Variants in GALNT9 observed in about 807,000 individuals in gnomAD.
GALNT9 encodes GalNAc transferase 9.
Under a neutral mutation model 63.1 loss-of-function variants are expected in GALNT9, and 47 were observed. That is an observed-to-expected ratio of 0.75 (90% CI 0.59 to 0.95). GALNT9 has a LOEUF of 0.95. Among genes scored for constraint, GALNT9 ranks in the 40% least tolerant of loss-of-function variants. GALNT9 has a pLI of 0.00. For synonymous variants in GALNT9, 396 were observed against 365.7 expected, an observed-to-expected ratio of 1.08 and a Z score of -0.94; for missense variants, 829 against 874.8, an observed-to-expected ratio of 0.95 and a Z score of 0.66.
intron 3 of GALNT9, among the ~76,000 whole-genome samples, chr12:132,261,738 G>A (rs1313224913): frequency 6.6e-6 from 1 of 152,248 alleles, no homozygotes; most frequent in Non-Finnish European, 1.5e-5. Context: ...GGCTCCCCAT[G>A]TTTTCCTCCA....
chr12:132,209,151 C>A (rs1439245225), intron 6 of GALNT9, among the ~76,000 whole-genome samples: 3 of 152,136 alleles, frequency 2.0e-5, no homozygotes, highest in African/African-American at 4.8e-5. Flanking sequence ...GCTGCATTCC[C>A]AGATGGTGAA....
intron 6 of GALNT9, among the ~76,000 whole-genome samples, chr12:132,211,938 G>A (rs968907241): frequency 1.1e-3 from 161 of 152,240 alleles, no homozygotes; most frequent in Non-Finnish European, 1.0e-3. Flanking sequence ...GGAGGTGAAG[G>A]TCCCATTATT....
rs558789957 is a variant in GALNT9, at chr12:132,286,822, T to A, written c.239-392A>T. ...TGGACCTCCCAGGCTCAAGCAATCCTCCCACCTCAGCCTCCTGAGTAAATG... is the reference window on the plus strand; with the variant it reads ...TGGACCTCCCAGGCTCAAGCAATCCACCCACCTCAGCCTCCTGAGTAAATG... On this transcript the variant is annotated intron_variant, in intron 1 of 10. Transcript: ENST00000328957. The surrounding 1 kb of genome is among the most constrained non-coding windows in gnomAD (Gnocchi z 7.4). 2.0e-5 allele frequency among the ~76,000 whole-genome samples: 3 copies of A among 152,188 alleles called. No individual in the cohort carries two copies. The highest frequency in any genetic ancestry group is 7.2e-5 in the African/African-American group (3 of 41,540).
At chr12:132,247,756 C>T in intron 6 of GALNT9, 154 bp downstream of exon 6, 1 of 1,282,806 alleles carries the variant, frequency 7.8e-7, no homozygotes, top group Non-Finnish European at 1.1e-6. Context: ...GATGCCGTGG[C>T]CGCACTCGCC....
intron 1 of GALNT9, among the ~76,000 whole-genome samples, chr12:132,302,229 T>TACAC (rs56317485): frequency 0.23 from 33,502 of 143,590 alleles, 4,181 homozygotes; most frequent in South Asian, 0.34. Context: ...TAGAAAATTC[T>TACAC]ACACACACAC....
rs1273978927 is a variant in GALNT9, at chr12:132,246,152, C to G, written c.1077+1758G>C. ...TGCGTTCAATCCACGGCCGACCCGC[C>G]AAGGTCTGGTGTTTAACAATCACAG... On this transcript the variant is annotated intron_variant, in intron 6 of 10. Transcript: ENST00000328957. The surrounding 1 kb of genome is among the most constrained non-coding windows in gnomAD (Gnocchi z 4.7). Among the ~76,000 whole-genome samples the G allele has an allele frequency of 6.6e-6, 1 of 152,238 alleles. No homozygotes were observed. Among genetic ancestry groups the G allele is most frequent in the African/African-American group, 2.4e-5 (1 of 41,472 alleles).
At chr12:132,260,293 C>T (rs56241115) in intron 4 of GALNT9, among the ~76,000 whole-genome samples, 2 of 151,712 alleles carry the variant, frequency 1.3e-5, no homozygotes, top group African/African-American at 2.4e-5. Context: ...CCTGCCCACA[C>T]CTTGGAGTCG....
intron 6 of GALNT9, among the ~76,000 whole-genome samples, chr12:132,231,193 C>T (rs1877882138): frequency 3.1e-5 from 2 of 64,672 alleles, no homozygotes; most frequent in Non-Finnish European, 5.4e-5. Context: ...ACAGAGGAGA[C>T]AGCGTGGAGT....
At chr12:132,213,515 TCA>T (rs140482401) in intron 6 of GALNT9, among the ~76,000 whole-genome samples, 5 of 148,070 alleles carry the variant, frequency 3.4e-5, no homozygotes, top group African/African-American at 5.0e-5. Flanking sequence ...ACAGGCGCAC[TCA>T]CACACACGCA....
chr12:132,207,507 G>A (rs1003031795), intron 6 of GALNT9, among the ~76,000 whole-genome samples: 15 of 152,204 alleles, frequency 9.9e-5, no homozygotes, highest in African/African-American at 3.1e-4. Flanking sequence ...TGCCAGCCCC[G>A]TCAGTGTGTG....
chr12:132,257,086 C>T (rs1210189038), intron 5 of GALNT9, among the ~76,000 whole-genome samples: 2 of 152,204 alleles, frequency 1.3e-5, no homozygotes, highest in Admixed American at 6.5e-5. Context: ...AGTGAGCCTG[C>T]TCCTGCCACA....
chr12:132,245,793 C>T lies in GALNT9; in HGVS notation c.1077+2117G>A, dbSNP rs112027262. On this transcript the variant is annotated intron_variant, in intron 6 of 10. Coordinates refer to ENST00000328957, the MANE Select transcript of GALNT9 (RefSeq NM_001122636.2). The surrounding 1 kb of genome is among the most constrained non-coding windows in gnomAD (Gnocchi z 6.3). ...GCAGCTGGGTTTGGCCCACGGGAGC[C>T]GATTTTGTTTGGAGGGGAGGTGGGC... Among the ~76,000 whole-genome samples, 958 of 152,330 alleles carry T rather than the reference C, an allele frequency of 6.3e-3. 12 individuals carry two copies. The highest frequency in any genetic ancestry group is 0.021 in the African/African-American group (870 of 41,584).
In GALNT9 at chr12:132,197,245, G is replaced by A. The variant is rs773333821; in HGVS notation, c.1674C>T (p.Pro558=). Reference sequence around the variant, plus strand: ...AGCGGCCCGTGGCCCGGCTCACAATGGGGCCACTCTGTGGGGACAGGCACA... The same window carrying A: ...AGCGGCCCGTGGCCCGGCTCACAATAGGGCCACTCTGTGGGGACAGGCACA... ...QRLWDFTQSG[P]IVSRATGRCL... Residue 558 remains proline, a synonymous_variant, in exon 11 of 11, where the codon CCC becomes CCT. Coordinates refer to ENST00000328957, the MANE Select transcript of GALNT9 (RefSeq NM_001122636.2). 1 of 1,611,864 alleles carries A rather than the reference G, an allele frequency of 6.2e-7. No homozygotes were observed. Among genetic ancestry groups the A allele is most frequent in the Non-Finnish European group, 8.5e-7 (1 of 1,179,780 alleles).
chr12:132,201,540 G>A lies in GALNT9; in HGVS notation c.1264-279C>T, dbSNP rs369475668. Among the ~76,000 whole-genome samples, 83 of 152,260 alleles carry A rather than the reference G, an allele frequency of 5.5e-4. 2 individuals carry two copies. The South Asian group carries it at 0.01, about 19-fold the overall frequency. On this transcript the variant is annotated intron_variant, in intron 7 of 10. Coordinates refer to ENST00000328957, the MANE Select transcript of GALNT9 (RefSeq NM_001122636.2). ...GCAGCCGGCTCGTCCACACCCACCC[G>A]GGCCCAGGAACCTCCTGCCTGAGAA...
intron 1 of GALNT9, among the ~76,000 whole-genome samples, chr12:132,289,788 C>A (rs2135565062): frequency 6.6e-6 from 1 of 152,348 alleles, no homozygotes; most frequent in South Asian, 2.1e-4. Context: ...AACCAAGCAG[C>A]CCCTGGTCCA....
At chr12:132,202,253 G>C (rs564410578) in intron 7 of GALNT9, among the ~76,000 whole-genome samples, 85 of 152,326 alleles carry the variant, frequency 5.6e-4, no homozygotes, top group African/African-American at 2.0e-3. Flanking sequence ...ACCTCACTCA[G>C]TTGCCCACAC....
At chr12:132,324,713 C>G (rs1868959574) in intron 1 of GALNT9, among the ~76,000 whole-genome samples, 1 of 152,136 alleles carries the variant, frequency 6.6e-6, no homozygotes, top group East Asian at 1.9e-4. Context: ...TGTTGGGTGG[C>G]CTGGCATTCT....
intron 6 of GALNT9, among the ~76,000 whole-genome samples, chr12:132,226,778 AT>A (rs1441624901): frequency 5.0e-5 from 7 of 140,196 alleles, no homozygotes; most frequent in African/African-American, 1.6e-4. Context: ...GTACATACAC[AT>A]CCCACACATA....
chr12:132,287,291 C>G (rs34592717), intron 1 of GALNT9, among the ~76,000 whole-genome samples: 1,622 of 152,304 alleles, frequency 0.011, 20 homozygotes, highest in African/African-American at 0.036. Flanking sequence ...TCCGCTCAGT[C>G]TCTATCAACC....
Sources: gnomAD v4.1 joint callset for allele counts (sites outside exome capture counted in the v4.1 genomes callset) on GRCh38, gnomAD v4.1.1 for gene constraint, Gnocchi (gnomAD v3.1) non-coding constraint, MANE v1.5 for transcripts, NCBI Gene and HGNC (gene_info 2026-07-23, HGNC 2026-07-21) for gene names.